SULF2: variants seen among roughly 807,000 people sequenced by gnomAD.
The protein encoded by SULF2 is extracellular sulfatase Sulf-2.
A neutral mutation model predicts 107.7 loss-of-function variants in SULF2; 52 were observed. That is an observed-to-expected ratio of 0.48 (90% CI 0.39 to 0.61). The LOEUF (loss-of-function observed/expected upper bound fraction) is 0.61, where lower values mean the gene tolerates loss of function less well. SULF2 is among the 20% of genes least tolerant of loss of function. The pLI, the probability that SULF2 is intolerant of heterozygous loss-of-function variation, is 0.00. For synonymous variants in SULF2, 460 were observed against 464.3 expected (o/e 0.99, Z 0.12); for missense variants, 993 against 1,177.3 (o/e 0.84, Z 2.29).
At position 47,694,630 on chromosome 20, in the gene SULF2, C is replaced by T. The variant is rs1428731722; in HGVS notation, c.568-4335G>A. Reference sequence around the variant, plus strand: ...CAACCGGCCCCCTCTGGCAAGCACCCTCTGAGCCTCAGGTGATTCCTGCAG... The same window carrying T: ...CAACCGGCCCCCTCTGGCAAGCACCTTCTGAGCCTCAGGTGATTCCTGCAG... On this transcript the variant is annotated intron_variant, in intron 4 of 20. Transcript: ENST00000688720. The surrounding 1 kb of genome is among the most constrained non-coding windows in gnomAD (Gnocchi z 4.4). Among the ~76,000 whole-genome samples, 2 of 152,166 alleles carry T rather than the reference C, an allele frequency of 1.3e-5. No homozygotes were observed.
At chr20:47,712,255 A>G (rs2088958409) in intron 3 of SULF2, among the ~76,000 whole-genome samples, 1 of 152,072 alleles carries the variant, frequency 6.6e-6, no homozygotes, top group Non-Finnish European at 1.5e-5. Flanking sequence ...CGCACTGCTG[A>G]GCTCACTCTG....
chr20:47,755,144 A>G (rs948510781), intron 2 of SULF2, among the ~76,000 whole-genome samples: 5 of 152,298 alleles, frequency 3.3e-5, no homozygotes, highest in African/African-American at 9.6e-5. Context: ...ATCATGTTTA[A>G]TCACATTCTA....
At chr20:47,735,113 A>G (rs1284003318) in intron 3 of SULF2, among the ~76,000 whole-genome samples, 1 of 152,102 alleles carries the variant, frequency 6.6e-6, no homozygotes, top group Non-Finnish European at 1.5e-5. Flanking sequence ...TTATGCCACA[A>G]ACACCTCACT....
intron 3 of SULF2, among the ~76,000 whole-genome samples, chr20:47,717,131 G>A (rs893115233): frequency 1.7e-4 from 26 of 152,150 alleles, no homozygotes; most frequent in African/African-American, 6.0e-4. Context: ...GGAAAATGAC[G>A]GTAAAAAGGT....
At chr20:47,737,084 G>A (rs2089752939) in intron 2 of SULF2, 142 bp from the exon 3 acceptor site, 2 of 1,240,270 alleles carry the variant, frequency 1.6e-6, no homozygotes. Flanking sequence ...AGGGGCCACT[G>A]CTGCACGGTG....
At chr20:47,775,762 C>T (rs1250475906) in intron 1 of SULF2, among the ~76,000 whole-genome samples, 2 of 152,224 alleles carry the variant, frequency 1.3e-5, no homozygotes, top group Non-Finnish European at 2.9e-5. Context: ...CCTCAGTTTC[C>T]TTACTGATAA....
chr20:47,761,845 G>GT (rs2146930570), intron 1 of SULF2, among the ~76,000 whole-genome samples: 1 of 152,342 alleles, frequency 6.6e-6, no homozygotes, highest in African/African-American at 2.4e-5. Flanking sequence ...ATCTTGACTT[G>GT]TAGCGCCCAT....
intron 1 of SULF2, among the ~76,000 whole-genome samples, chr20:47,759,417 C>T (rs1254495826): frequency 1.3e-5 from 2 of 152,200 alleles, no homozygotes; most frequent in Admixed American, 6.5e-5. Context: ...CGCAGCTGTG[C>T]GCAGTGGCTC....
chr20:47,660,117 C>G (rs993796873), intron 18 of SULF2, among the ~76,000 whole-genome samples: 1 of 152,202 alleles, frequency 6.6e-6, no homozygotes, highest in Non-Finnish European at 1.5e-5. Flanking sequence ...GAAGTTTTCC[C>G]GAGGATGTGG....
chr20:47,714,038 A>T (rs970769607), intron 3 of SULF2, among the ~76,000 whole-genome samples: 4 of 152,196 alleles, frequency 2.6e-5, no homozygotes, highest in African/African-American at 9.7e-5. Flanking sequence ...AGCCGAGCCA[A>T]TGACAATAAA....
chr20:47,658,282 G>C lies in SULF2; in HGVS notation c.*80C>G. On this transcript the variant is annotated 3_prime_UTR_variant, in exon 21 of 21. Coordinates refer to ENST00000688720, the MANE Select transcript of SULF2 (RefSeq NM_001387048.1). Reference sequence around the variant, plus strand: ...CCTGGCCAATACCACAGGTCTGCTGGAAATCACCCACATGGTTTTTCATTG... The same window carrying C: ...CCTGGCCAATACCACAGGTCTGCTGCAAATCACCCACATGGTTTTTCATTG... The C allele has an allele frequency of 6.7e-7, 1 of 1,496,604 alleles. No homozygotes were observed. Among genetic ancestry groups the C allele is most frequent in the Non-Finnish European group, 9.3e-7 (1 of 1,072,764 alleles). 92.7% of individuals were successfully genotyped at this position (1,496,604 alleles called of 1,614,324 possible).
intron 3 of SULF2, among the ~76,000 whole-genome samples, chr20:47,715,093 ATTTTTTT>A (rs869126418): frequency 3.9e-5 from 5 of 128,988 alleles, no homozygotes; most frequent in African/African-American, 5.8e-5. Context: ...TAACTTTTGT[ATTTTTTT>A]TTTTTTTTTT....
At chr20:47,748,916 A>G (rs1047753008) in intron 2 of SULF2, among the ~76,000 whole-genome samples, 1 of 152,178 alleles carries the variant, frequency 6.6e-6, no homozygotes, top group Non-Finnish European at 1.5e-5. Flanking sequence ...CCGTCTTCCA[A>G]TGATTCAAAT....
At chr20:47,785,601 C>A (rs1246239260), upstream of SULF2, 2 of 146,350 alleles carry the variant, frequency 1.4e-5, no homozygotes, top group African/African-American at 4.9e-5. Context: ...GCTCCGCACC[C>A]CGCCCGGACC....
At chr20:47,677,441 C>T (rs988531647) in intron 8 of SULF2, among the ~76,000 whole-genome samples, 3 of 150,684 alleles carry the variant, frequency 2.0e-5, no homozygotes, top group Non-Finnish European at 3.0e-5. Flanking sequence ...CGCGCACACA[C>T]ATCTCAAGCC....
intron 7 of SULF2, among the ~76,000 whole-genome samples, chr20:47,681,161 A>G (rs1219315221): frequency 6.6e-6 from 1 of 152,216 alleles, no homozygotes; most frequent in African/African-American, 2.4e-5. Flanking sequence ...ACTGAGAGAT[A>G]AGAAATGAGA....
At chr20:47,688,231 CTTGA>C (rs1462785688) in intron 5 of SULF2, among the ~76,000 whole-genome samples, 3 of 152,276 alleles carry the variant, frequency 2.0e-5, no homozygotes, top group Non-Finnish European at 2.9e-5. Context: ...TCCACCCCTT[CTTGA>C]CTGTCATCAT....
At chr20:47,766,940 T>C (rs2090538562) in intron 1 of SULF2, among the ~76,000 whole-genome samples, 1 of 140,940 alleles carries the variant, frequency 7.1e-6, no homozygotes, top group Admixed American at 7.2e-5. Flanking sequence ...TACTGTTTCA[T>C]GATCAGTAGA....
At chr20:47,752,556 G>A (rs1406222977) in intron 2 of SULF2, among the ~76,000 whole-genome samples, 3 of 131,746 alleles carry the variant, frequency 2.3e-5, no homozygotes, top group African/African-American at 8.7e-5. Flanking sequence ...CATGGCAAAA[G>A]CCCATCTCTA....
Sources: gnomAD v4.1 joint callset for allele counts (sites outside exome capture counted in the v4.1 genomes callset) on GRCh38, gnomAD v4.1.1 for gene constraint, Gnocchi (gnomAD v3.1) non-coding constraint, MANE v1.5 for transcripts, NCBI Gene and HGNC (gene_info 2026-07-23, HGNC 2026-07-21) for gene names.